SPRING1: variants seen among roughly 807,000 people sequenced by gnomAD.
The protein encoded by SPRING1 is SREBP regulating gene protein.
A neutral mutation model predicts 24.7 loss-of-function variants in SPRING1; 14 were observed. That is an observed-to-expected ratio of 0.57 (90% CI 0.37 to 0.88). The LOEUF is 0.88. Among genes scored for constraint, SPRING1 ranks in the 40% least tolerant of loss-of-function variants. The pLI is 0.00. For missense variants in SPRING1, 255 were observed against 268.4 expected (o/e 0.95, Z 0.35); for synonymous variants, 93 against 106.1 (o/e 0.88, Z 0.76).
At position 116,728,095 on chromosome 12, in the gene SPRING1, C is replaced by T. The variant is rs1315683510; in HGVS notation, c.112-4872G>A. ...TTTCAGGAGCTGCACCACTTGAACA[C>T]GTATGAGAACATCTGGTTACACGAG... On this transcript the variant is annotated intron_variant, in intron 1 of 4. Transcript: ENST00000261318. The surrounding 1 kb of genome is among the most constrained non-coding windows in gnomAD (Gnocchi z 4.2). Among the ~76,000 whole-genome samples, 3 of 152,280 alleles carry T rather than the reference C, an allele frequency of 2.0e-5. No homozygotes were observed. Among genetic ancestry groups the T allele is most frequent in the African/African-American group, 4.8e-5 (2 of 41,550 alleles).
rs36071252 is a variant in SPRING1, at chr12:116,711,025, A to ACACACACACGCACACG, written c.*6784_*6785insCGTGTGCGTGTGTGTG. ...TTTTGTTACACACACACACACACAC[A>ACACACACACGCACACG]CACGCACACACAGAGCCAATGTATG... On this transcript the variant is annotated 3_prime_UTR_variant, in exon 5 of 5. Transcript: ENST00000261318. 1 of 150,814 alleles carries ACACACACACGCACACG rather than the reference A, an allele frequency of 6.6e-6. No homozygotes were observed. Among genetic ancestry groups the ACACACACACGCACACG allele is most frequent in the Non-Finnish European group, 1.5e-5 (1 of 67,796 alleles). The allele number at this position is 150,814 out of a possible 1,614,324, so 9.3% of individuals were successfully genotyped here. A position where few individuals can be genotyped will look rare whatever the true frequency, so the allele number is the denominator to read the frequency against.
At chr12:116,737,086 G>A (rs1871260008) in intron 1 of SPRING1, among the ~76,000 whole-genome samples, 1 of 152,226 alleles carries the variant, frequency 6.6e-6, no homozygotes, top group Non-Finnish European at 1.5e-5. Context: ...TGAAAAGCAG[G>A]GAGGTGTTCA....
At chr12:116,721,645 A>G (rs1229345313) in intron 2 of SPRING1, among the ~76,000 whole-genome samples, 4 of 152,214 alleles carry the variant, frequency 2.6e-5, no homozygotes, top group Admixed American at 6.5e-5. Flanking sequence ...TTCTAATGCT[A>G]TAGTAAATGT....
At chr12:116,734,351 G>A (rs1566062415) in intron 1 of SPRING1, among the ~76,000 whole-genome samples, 1 of 152,286 alleles carries the variant, frequency 6.6e-6, no homozygotes, top group East Asian at 1.9e-4. Flanking sequence ...CAGGGGTGTA[G>A]CAAAATCACC....
chr12:116,734,508 T>C (rs1428547535), intron 1 of SPRING1, among the ~76,000 whole-genome samples: 1 of 152,212 alleles, frequency 6.6e-6, no homozygotes, highest in East Asian at 1.9e-4. Context: ...AGCAGAAGTA[T>C]GCCAGACTGA....
chr12:116,732,295 G>T (rs1349619882), intron 1 of SPRING1, among the ~76,000 whole-genome samples: 1 of 152,184 alleles, frequency 6.6e-6, no homozygotes, highest in African/African-American at 2.4e-5. Flanking sequence ...AAAAATACCG[G>T]CCAGGCACAG....
At chr12:116,731,002 C>T (rs1183500463) in intron 1 of SPRING1, among the ~76,000 whole-genome samples, 2 of 152,222 alleles carry the variant, frequency 1.3e-5, no homozygotes, top group Non-Finnish European at 2.9e-5. Context: ...AAAAAAGTGG[C>T]TACTTAAGCT....
intron 2 of SPRING1, among the ~76,000 whole-genome samples, chr12:116,721,364 C>T (rs1870428194): frequency 1.3e-5 from 2 of 152,238 alleles, no homozygotes; most frequent in Admixed American, 1.3e-4. Context: ...CCCCACATCA[C>T]TGCATTCCAA....
intron 1 of SPRING1, among the ~76,000 whole-genome samples, chr12:116,726,568 C>T (rs1256997069): frequency 6.6e-6 from 1 of 152,152 alleles, no homozygotes; most frequent in African/African-American, 2.4e-5. Context: ...AGAAGAGGAG[C>T]TAGGTGCAGG....
chr12:116,731,828 C>T (rs1870990370), intron 1 of SPRING1, among the ~76,000 whole-genome samples: 1 of 152,180 alleles, frequency 6.6e-6, no homozygotes, highest in Non-Finnish European at 1.5e-5. Context: ...GTTTCTTGCT[C>T]ATGCTACAAG....
chr12:116,732,404 C>T (rs1428589480), intron 1 of SPRING1, among the ~76,000 whole-genome samples: 1 of 151,926 alleles, frequency 6.6e-6, no homozygotes, highest in Non-Finnish European at 1.5e-5. Flanking sequence ...AGTAAAACCC[C>T]ATCTCTACTA....
intron 2 of SPRING1, among the ~76,000 whole-genome samples, chr12:116,722,494 C>T (rs1211633742): frequency 1.3e-5 from 2 of 152,184 alleles, no homozygotes; most frequent in Non-Finnish European, 2.9e-5. Flanking sequence ...ATGGAAGTAA[C>T]TTCCTTTTGC....
Position 116,717,583 on chromosome 12 carries a change from G to A in SPRING1, c.*227C>T. 2.3e-6 allele frequency: 1 copy of A among 435,594 alleles called. No homozygotes were observed. Among genetic ancestry groups the A allele is most frequent in the Non-Finnish European group, 4.1e-6 (1 of 242,872 alleles). 27.0% of individuals were successfully genotyped at this position (435,594 alleles called of 1,614,324 possible). ...CCTCCGGTTTCATCTTTCCCGAATGGGACTGGCTGGAGGGGCCAAGCTGCT... is the reference window on the plus strand; with the variant it reads ...CCTCCGGTTTCATCTTTCCCGAATGAGACTGGCTGGAGGGGCCAAGCTGCT... On this transcript the variant is annotated 3_prime_UTR_variant, in exon 5 of 5. Transcript: ENST00000261318. This position sits in a 1 kb window ranked among gnomAD's most constrained non-coding sequence, Gnocchi z 4.2.
At chr12:116,735,386 T>A (rs991151971) in intron 1 of SPRING1, among the ~76,000 whole-genome samples, 3 of 152,138 alleles carry the variant, frequency 2.0e-5, no homozygotes, top group African/African-American at 7.2e-5. Flanking sequence ...GTGGTGATGG[T>A]CGCACAGCGT....
rs1869829524 is a variant in SPRING1, at chr12:116,710,625, G to A, written c.*7185C>T. ...ATGGGAAGTTGGTCCCAGCAGAGAA[G>A]GATATGGTGTCTCTTTAAAACTGGA... On this transcript the variant is annotated 3_prime_UTR_variant, in exon 5 of 5. Transcript: ENST00000261318. The A allele has an allele frequency of 6.6e-6, 1 of 152,224 alleles. No homozygotes were observed. The highest frequency in any genetic ancestry group is 1.5e-5 in the Non-Finnish European group (1 of 68,064). The allele number at this position is 152,224 out of a possible 1,614,324, so 9.4% of individuals were successfully genotyped here.
In SPRING1 at chr12:116,721,747, A is replaced by G. The variant is rs1416686977; in HGVS notation, c.269-1300T>C. 2.0e-5 allele frequency among the ~76,000 whole-genome samples: 3 copies of G among 152,228 alleles called. No individual in the cohort carries two copies. The East Asian group carries it at 5.8e-4, about 29-fold the overall frequency. ...TTAAGTTAGTTAGCATTTTCCTCAA[A>G]ATTCTGCTCAAAATAATAAACACAT... On this transcript the variant is annotated intron_variant, in intron 2 of 4. Coordinates refer to ENST00000261318, the MANE Select transcript of SPRING1 (RefSeq NM_024738.4).
At chr12:116,735,549 T>G (rs1401345376) in intron 1 of SPRING1, among the ~76,000 whole-genome samples, 1 of 148,312 alleles carries the variant, frequency 6.7e-6, no homozygotes, top group Non-Finnish European at 1.5e-5. Context: ...CTGGCCAACA[T>G]GGCGAAACCC....
intron 1 of SPRING1, among the ~76,000 whole-genome samples, chr12:116,727,251 T>C (rs566537907): frequency 3.9e-5 from 6 of 152,318 alleles, no homozygotes; most frequent in African/African-American, 1.4e-4. Context: ...TCGAAGAGCC[T>C]CAGAGCTGTT....
intron 1 of SPRING1, among the ~76,000 whole-genome samples, chr12:116,723,461 TG>T (rs1870538812): frequency 6.6e-6 from 1 of 152,236 alleles, no homozygotes; most frequent in African/African-American, 2.4e-5. Context: ...GCGTGGCTCC[TG>T]GATGGCATGC....
Sources: gnomAD v4.1 joint callset for allele counts (sites outside exome capture counted in the v4.1 genomes callset) on GRCh38, gnomAD v4.1.1 for gene constraint, Gnocchi (gnomAD v3.1) non-coding constraint, MANE v1.5 for transcripts, NCBI Gene and HGNC (gene_info 2026-07-23, HGNC 2026-07-21) for gene names.